Variants in NDST3 observed in about 807,000 individuals in gnomAD.
NDST3 encodes bifunctional heparan sulfate N-deacetylase/N-sulfotransferase 3.
Under a neutral mutation model 96.1 loss-of-function variants are expected in NDST3, and 58 were observed. The ratio of observed to expected loss-of-function variants is 0.60; its 90% CI spans 0.49 to 0.75. The LOEUF (loss-of-function observed/expected upper bound fraction) is 0.75. Ranked by LOEUF, NDST3 falls within the 30% of genes least tolerant of loss-of-function variation. NDST3 has a pLI of 0.00. For synonymous variants in NDST3, 333 were observed against 359.7 expected (o/e 0.93, Z 0.84); for missense variants, 788 against 1,034.2 (o/e 0.76, Z 3.27).
chr4:118,173,229 A>G lies in NDST3; in HGVS notation c.1539+29545A>G, dbSNP rs560029570. On this transcript the variant is annotated intron_variant, in intron 6 of 13. Transcript: ENST00000296499. ...AGCAGCAATTCTGTTAGATGAGGAA[A>G]CTGAAAATTCTAATAGATGAAGAAA... 1.2e-3 allele frequency among the ~76,000 whole-genome samples: 189 copies of G among 152,194 alleles called. 1 individual carries two copies. Among genetic ancestry groups the G allele is most frequent in the Middle Eastern group, 0.01 (3 of 294 alleles).
At chr4:118,221,298 T>C (rs1739525543) in intron 6 of NDST3, among the ~76,000 whole-genome samples, 1 of 152,030 alleles carries the variant, frequency 6.6e-6, no homozygotes, top group Non-Finnish European at 1.5e-5. Flanking sequence ...ATATTTATAT[T>C]TGCACCCTGA....
intron 6 of NDST3, among the ~76,000 whole-genome samples, chr4:118,151,670 T>C (rs1449928614): frequency 6.6e-6 from 1 of 152,096 alleles, no homozygotes; most frequent in Non-Finnish European, 1.5e-5. Context: ...GTTATAGAAA[T>C]TGTAAACCTA....
intron 2 of NDST3, among the ~76,000 whole-genome samples, chr4:118,065,173 G>C (rs1338550573): frequency 6.6e-6 from 1 of 152,074 alleles, no homozygotes; most frequent in Non-Finnish European, 1.5e-5. Flanking sequence ...ATATTATTCT[G>C]TGTACCACAA....
chr4:118,178,863 T>C (rs575931356), intron 6 of NDST3, among the ~76,000 whole-genome samples: 14 of 152,210 alleles, frequency 9.2e-5, no homozygotes, highest in African/African-American at 2.9e-4. Flanking sequence ...GTTGCTTTGA[T>C]ACTAGCTATC....
intron 2 of NDST3, among the ~76,000 whole-genome samples, chr4:118,085,027 G>A (rs951431307): frequency 1.3e-5 from 2 of 152,156 alleles, no homozygotes; most frequent in Non-Finnish European, 2.9e-5. Flanking sequence ...CGGAGGCTGA[G>A]GCAGGGAATT....
chr4:118,247,743 T>C (rs1336565542), intron 12 of NDST3, among the ~76,000 whole-genome samples: 1 of 152,198 alleles, frequency 6.6e-6, no homozygotes, highest in Non-Finnish European at 1.5e-5. Context: ...TTTAACAATA[T>C]GTAAATAATA....
At chr4:118,091,688 TG>T (rs1471430392) in intron 2 of NDST3, among the ~76,000 whole-genome samples, 4 of 151,692 alleles carry the variant, frequency 2.6e-5, no homozygotes. Flanking sequence ...AAGGAACTCC[TG>T]GGATCTCTAC....
chr4:118,240,268 T>C (rs1475341168), intron 10 of NDST3, among the ~76,000 whole-genome samples: 2 of 152,118 alleles, frequency 1.3e-5, no homozygotes. Context: ...AACTCAGTAA[T>C]GCTGGTGAAG....
rs538319148 is a variant in NDST3 at position 118,052,568 on chromosome 4, G to A, written c.-155-1188G>A. On this transcript the variant is annotated intron_variant, in intron 1 of 13. Coordinates refer to ENST00000296499, the MANE Select transcript of NDST3 (RefSeq NM_004784.3). The stretch of plus-strand genomic sequence containing the variant: ...TTTTTAAAAGGAAAAGAATTCCTTA[G>A]GTGCCCAGGTAAATCCAAGCATGGC... 3.9e-5 allele frequency among the ~76,000 whole-genome samples: 6 copies of A among 152,018 alleles called. No homozygotes were observed. The South Asian group carries it at 1.0e-3, about 26-fold the overall frequency.
chr4:118,134,866 A>G (rs1732942657), intron 4 of NDST3, among the ~76,000 whole-genome samples: 2 of 152,192 alleles, frequency 1.3e-5, no homozygotes, highest in African/African-American at 2.4e-5. Flanking sequence ...TAGATCTAAG[A>G]TGCTACTTTC....
chr4:118,194,693 A>C, intron 6 of NDST3: 3 of 602,102 alleles, frequency 5.0e-6, no homozygotes, highest in Non-Finnish European at 6.1e-6. Context: ...CACTCCCTCC[A>C]TGGGAAGAGG....
Position 118,204,261 on chromosome 4 carries a change from C to CATGTA in NDST3, c.1540-20230_1540-20229insATGTA, listed in dbSNP as rs748610265. ...CTGGGGGTCACTGAAAGCTCTAATT[C>CATGTA]GGATCCCACTTCTGACACCATCTGT... is the stretch of plus-strand genomic sequence containing the variant. On this transcript the variant is annotated intron_variant, in intron 6 of 13. Coordinates refer to ENST00000296499, the MANE Select transcript of NDST3 (RefSeq NM_004784.3). Among the ~76,000 whole-genome samples, 227 of 107,818 alleles carry CATGTA rather than the reference C, an allele frequency of 2.1e-3. 4 individuals carry two copies. Among genetic ancestry groups the CATGTA allele is most frequent in the South Asian group, 5.1e-3 (15 of 2,970 alleles). 70.7% of individuals were successfully genotyped at this position (107,818 alleles called of 152,430 possible). A position where few individuals can be genotyped will look rare whatever the true frequency, so the allele number is the denominator to read the frequency against.
At chr4:118,058,430 C>CAAAAAAAAAAAAAAA (rs35067389) in intron 2 of NDST3, among the ~76,000 whole-genome samples, 3 of 118,138 alleles carry the variant, frequency 2.5e-5, no homozygotes, top group African/African-American at 3.5e-5. Context: ...CACAAAAAGA[C>CAAAAAAAAAAAAAAA]AAAAAAAAAA....
intron 8 of NDST3, among the ~76,000 whole-genome samples, chr4:118,228,746 C>T (rs79013296): frequency 2.0e-5 from 3 of 152,130 alleles, no homozygotes; most frequent in African/African-American, 4.8e-5. Context: ...GTCTATCCCC[C>T]CCGATCCCCA....
intron 4 of NDST3, among the ~76,000 whole-genome samples, chr4:118,116,836 C>A (rs554874425): frequency 2.0e-5 from 3 of 150,522 alleles, no homozygotes; most frequent in Non-Finnish European, 4.4e-5. Flanking sequence ...CCAGCCTGGG[C>A]GACACAGCCA....
intron 8 of NDST3, among the ~76,000 whole-genome samples, chr4:118,231,428 A>G (rs1236516827): frequency 6.6e-6 from 1 of 150,388 alleles, no homozygotes; most frequent in Non-Finnish European, 1.5e-5. Flanking sequence ...TCATCTTAAT[A>G]CTATTTATAC....
Position 118,054,893 on chromosome 4 carries a change from T to C in NDST3, c.981+2T>C. On this transcript the variant is annotated splice_donor_variant, in intron 2 of 13. Coordinates refer to ENST00000296499, the MANE Select transcript of NDST3 (RefSeq NM_004784.3). LOFTEE classifies it high-confidence loss of function. ...AGAATGAACACCAATGATGTAAAGG[T>C]AAGGCTCTATTTTCTCAAGTTTCAA... 1 of 1,607,882 alleles carries C rather than the reference T, an allele frequency of 6.2e-7. No individual in the cohort carries two copies. Among genetic ancestry groups the C allele is most frequent in the Non-Finnish European group, 8.5e-7 (1 of 1,178,874 alleles).
chr4:118,253,336 AG>A (rs1240425673), intron 12 of NDST3, among the ~76,000 whole-genome samples, 162 bp from the exon 13 acceptor site: 1 of 152,246 alleles, frequency 6.6e-6, no homozygotes. Flanking sequence ...CTTTATGCAA[AG>A]GAATATAGTA....
chr4:118,113,972 G>T (rs2125863822), intron 3 of NDST3, among the ~76,000 whole-genome samples: 1 of 152,088 alleles, frequency 6.6e-6, no homozygotes, highest in East Asian at 1.9e-4. Flanking sequence ...TTCAAATAAG[G>T]TAAAAGAACA....
Sources: allele counts gnomAD v4.1 joint callset (sites outside exome capture counted in the v4.1 genomes callset), GRCh38; gene constraint gnomAD v4.1.1; transcripts MANE v1.5; gene names NCBI Gene and HGNC (gene_info 2026-07-23, HGNC 2026-07-21).